MADD: variants seen among roughly 807,000 people sequenced by gnomAD.
MADD encodes the protein MAP kinase-activating death domain protein.
Under a neutral mutation model 176.7 loss-of-function variants are expected in MADD, and 109 were observed. That is an observed-to-expected ratio of 0.62 (90% confidence interval 0.53 to 0.72). The LOEUF (loss-of-function observed/expected upper bound fraction) is 0.72. Ranked by LOEUF, MADD falls within the 30% of genes least tolerant of loss-of-function variation. MADD has a pLI of 0.00. For missense variants in MADD, 1,914 were observed against 2,045.5 expected (o/e 0.94, Z 1.24); for synonymous variants, 771 against 771.3 (o/e 1.00, Z 0.01).
exon 32 of MADD, chr11:47,328,701 A>G (rs1255998930): frequency 1.2e-6 from 2 of 1,614,212 alleles, no homozygotes; most frequent in Admixed American, 3.3e-5. Context: ...ACAAGACACC[A>G]ATGGTGAGTG....
intron 31 of MADD, chr11:47,328,251 T>C (rs1565602250): frequency 9.1e-7 from 1 of 1,103,612 alleles, no homozygotes; most frequent in South Asian, 2.8e-5. Context: ...CTCAGCAAAG[T>C]TGGACACAAG....
At position 47,316,368 on chromosome 11, in the gene MADD, A is replaced by AT. The variant is rs34472318; in HGVS notation, c.4197+1051dup. Among the ~76,000 whole-genome samples the AT allele has an allele frequency of 3.7e-4, 46 of 124,938 alleles. 1 individual carries two copies. The highest frequency in any genetic ancestry group is 3.1e-3 in the Admixed American group (38 of 12,422). The allele number at this position is 124,938 out of a possible 152,430, so 82.0% of individuals were successfully genotyped here. On this transcript the variant is annotated intron_variant, in intron 27 of 32. Transcript: ENST00000402192. ...TGGTTTCCTTTGTAAATTCCAGTGG[A>AT]TTTTTTTTTTCTTTTTCTTTTTTTT...
rs2064099948 is a variant in MADD at position 47,290,364 on chromosome 11, A to G, written c.3094+65A>G. On this transcript the variant is annotated intron_variant, in intron 18 of 32. Coordinates refer to ENST00000402192, the Ensembl canonical transcript of MADD. The stretch of plus-strand genomic sequence containing the variant: ...TCTGCCACTTGTCTCCTGAAGAGAA[A>G]ATATATGTGTACCCAGGACACGTTT... 7 of 1,578,118 alleles carry G rather than the reference A, an allele frequency of 4.4e-6. No homozygotes were observed. In the East Asian group the frequency reaches 1.6e-4, roughly 36 times the overall value.
Position 47,281,783 on chromosome 11 carries a change from G to A in MADD, c.1469+30G>A, listed in dbSNP as rs768906254. On this transcript the variant is annotated intron_variant, in intron 8 of 32. Coordinates refer to ENST00000402192, the Ensembl canonical transcript of MADD. ...GACCAAGCCGACTGTATAATCACAA[G>A]TTCTTAAATTAATTTCTTTGCTCTC... 7.6e-6 allele frequency: 11 copies of A among 1,451,372 alleles called. No individual in the cohort carries two copies. In the East Asian group the frequency reaches 1.1e-4, roughly 15 times the overall value. The allele number at this position is 1,451,372 out of a possible 1,614,324, so 89.9% of individuals were successfully genotyped here.
chr11:47,329,101 A>G (rs147818031), exon 33 of MADD: 7 of 1,614,054 alleles, frequency 4.3e-6, no homozygotes, highest in Non-Finnish European at 5.9e-6. Flanking sequence ...GCTGCAGTTC[A>G]TAGCAGTGAG....
intron 22 of MADD, among the ~76,000 whole-genome samples, chr11:47,308,223 A>G (rs1258723779): frequency 2.2e-4 from 34 of 152,174 alleles, no homozygotes; most frequent in Admixed American, 2.2e-3. Flanking sequence ...TTCTGTACCT[A>G]AGGTCACACA....
intron 5 of MADD, among the ~76,000 whole-genome samples, chr11:47,277,133 C>A (rs1330530976): frequency 6.6e-6 from 1 of 152,212 alleles, no homozygotes; most frequent in Non-Finnish European, 1.5e-5. Flanking sequence ...TCCTCCTTAT[C>A]TGTGGAGGAC....
intron 31 of MADD, 152 bp from the exon 36 acceptor site, chr11:47,328,506 C>G (rs2095704176): frequency 6.7e-6 from 10 of 1,501,290 alleles, no homozygotes; most frequent in Middle Eastern, 1.7e-4. Flanking sequence ...CTGGTGGCCT[C>G]TGCCCTGTCA....
chr11:47,302,904 TTGTG>T (rs1353316711), intron 22 of MADD, among the ~76,000 whole-genome samples: 3 of 152,190 alleles, frequency 2.0e-5, no homozygotes, highest in Non-Finnish European at 4.4e-5. Context: ...TTTTTCTCCT[TTGTG>T]TGTCTGTTCT....
chr11:47,285,320 A>G, intron 13 of MADD, 126 bp downstream of exon 13: 3 of 1,550,294 alleles, frequency 1.9e-6, no homozygotes, highest in African/African-American at 1.4e-5. Flanking sequence ...TCCCCAGAGG[A>G]TGGTGTTCTG....
intron 22 of MADD, among the ~76,000 whole-genome samples, chr11:47,305,326 C>T (rs567329853): frequency 2.0e-5 from 3 of 152,224 alleles, no homozygotes; most frequent in South Asian, 4.1e-4. Context: ...CAGATTTGCT[C>T]TCTGTGGCAA....
At chr11:47,276,600 G>A in intron 4 of MADD, 132 bp from the exon 5 acceptor site, 1 of 1,047,958 alleles carries the variant, frequency 9.5e-7, no homozygotes, top group Non-Finnish European at 1.4e-6. Context: ...GGTGGGGCAG[G>A]GGGCAGTGGG....
At chr11:47,318,890 C>T (rs1292348369) in intron 27 of MADD, among the ~76,000 whole-genome samples, 2 of 140,288 alleles carry the variant, frequency 1.4e-5, no homozygotes, top group African/African-American at 2.7e-5. Flanking sequence ...TCACTGCAAC[C>T]TCCACTTCCC....
intron 25 of MADD, among the ~76,000 whole-genome samples, chr11:47,310,365 A>G (rs1320351813): frequency 6.6e-6 from 1 of 150,832 alleles, no homozygotes; most frequent in East Asian, 2.0e-4. Flanking sequence ...TATTTTTAGT[A>G]GAGACGGGGT....
intron 22 of MADD, among the ~76,000 whole-genome samples, chr11:47,299,821 A>G (rs1030467459): frequency 7.2e-5 from 11 of 152,122 alleles, no homozygotes; most frequent in Admixed American, 2.6e-4. Flanking sequence ...GTGAAGCACA[A>G]CACCCAGCCT....
rs1457436882 is a variant in MADD at position 47,280,914 on chromosome 11, T to C, written c.1291-661T>C. Among the ~76,000 whole-genome samples, 4 of 152,260 alleles carry C rather than the reference T, an allele frequency of 2.6e-5. No individual in the cohort carries two copies. In the South Asian group the frequency reaches 8.3e-4, roughly 31 times the overall value. The stretch of plus-strand genomic sequence containing the variant: ...TAGGAGCTAAGATCCTTGGACTCAT[T>C]GATCCTGTGTTCTAACTCCTGCTAT... On this transcript the variant is annotated intron_variant, in intron 7 of 32. Transcript: ENST00000402192.
chr11:47,280,566 AT>A (rs1565303542), intron 7 of MADD, among the ~76,000 whole-genome samples: 26 of 152,002 alleles, frequency 1.7e-4, no homozygotes, highest in African/African-American at 5.3e-4. Flanking sequence ...TAATTAATTA[AT>A]TTATTTATTT....
intron 27 of MADD, 76 bp downstream of exon 30, chr11:47,315,403 AT>A (rs1215787873): frequency 4.0e-6 from 3 of 753,450 alleles, no homozygotes; most frequent in Non-Finnish European, 6.9e-6. Context: ...ATGCCAGGAT[AT>A]TTTTCTCATT....
intron 5 of MADD, 103 bp downstream of exon 5, chr11:47,276,966 G>A (rs2136499094): frequency 7.4e-7 from 1 of 1,352,624 alleles, no homozygotes; most frequent in Non-Finnish European, 1.0e-6. Flanking sequence ...TCAATCCTTT[G>A]TCATAACTTA....
Sources: allele counts gnomAD v4.1 joint callset (sites outside exome capture counted in the v4.1 genomes callset), GRCh38; gene constraint gnomAD v4.1.1; transcripts MANE v1.5; gene names NCBI Gene and HGNC (gene_info 2026-07-23, HGNC 2026-07-21).